The following HYDIN variants were observed in gnomAD, a reference collection of about 807,000 sequenced individuals.
HYDIN encodes the protein HYDIN axonemal central pair apparatus protein, also known as axonemal central pair apparatus protein HYDIN.
A neutral mutation model predicts 403.9 loss-of-function variants in HYDIN; 132 were observed. The ratio of observed to expected loss-of-function variants is 0.33; its 90% CI spans 0.28 to 0.38. The LOEUF is 0.38. Among genes scored for constraint, HYDIN ranks in the 10% least tolerant of loss-of-function variants. The pLI, the probability that HYDIN is intolerant of heterozygous loss-of-function variation, is 1.00. For synonymous variants in HYDIN, 1,202 were observed against 1,891.7 expected (o/e 0.64, Z 9.46); for missense variants, 2,827 against 5,009.5 (o/e 0.56, Z 13.15).
chr16:70,928,640 C>A (rs974323137), intron 45 of HYDIN, among the ~76,000 whole-genome samples: 2 of 138,960 alleles, frequency 1.4e-5, no homozygotes, highest in Non-Finnish European at 1.6e-5. Context: ...CAAATTTCCA[C>A]TAGGCTTTGT....
intron 55 of HYDIN, among the ~76,000 whole-genome samples, chr16:70,893,175 C>T (rs8056750): frequency 0.25 from 38,143 of 152,130 alleles, 6,072 homozygotes; most frequent in Non-Finnish European, 0.35. Context: ...TGCTTCCCTG[C>T]GCATTCTTTC....
intron 22 of HYDIN, among the ~76,000 whole-genome samples, chr16:71,019,577 G>A (rs1431011332): frequency 5.3e-5 from 8 of 152,344 alleles, no homozygotes; most frequent in Middle Eastern, 3.4e-3. Context: ...ACTCGGTATC[G>A]CCATGCTTGG....
At chr16:70,859,197 A>G (rs556362864) in intron 71 of HYDIN, among the ~76,000 whole-genome samples, 17 of 152,272 alleles carry the variant, frequency 1.1e-4, no homozygotes, top group Admixed American at 9.2e-4. Flanking sequence ...GCTACTCGGA[A>G]GGCTGAGTCA....
chr16:70,897,600 G>A (rs1352570348), intron 53 of HYDIN, among the ~76,000 whole-genome samples: 18 of 142,510 alleles, frequency 1.3e-4, no homozygotes, highest in Admixed American at 9.4e-4. Context: ...TCTATTTCTC[G>A]GCTTCCCCAG....
chr16:71,012,265 C>T (rs2080112526), intron 23 of HYDIN, among the ~76,000 whole-genome samples: 1 of 152,296 alleles, frequency 6.6e-6, no homozygotes, highest in African/African-American at 2.4e-5. Flanking sequence ...GCAGCGACAG[C>T]TGTGTGGTCA....
chr16:71,020,812 G>GAAA (rs537902244), intron 21 of HYDIN, among the ~76,000 whole-genome samples: 19 of 115,214 alleles, frequency 1.6e-4, no homozygotes, highest in African/African-American at 6.1e-4. Context: ...CAGTCTCAAG[G>GAAA]AAAAAAAAAA....
intron 10 of HYDIN, among the ~76,000 whole-genome samples, chr16:71,098,241 A>ACCC (rs1414256221): frequency 7.0e-6 from 1 of 143,226 alleles, no homozygotes; most frequent in Non-Finnish European, 1.5e-5. Flanking sequence ...TCGCTCTGTC[A>ACCC]CCCAGGCTGG....
intron 83 of HYDIN, among the ~76,000 whole-genome samples, chr16:70,822,296 T>C (rs1228159701): frequency 1.3e-5 from 2 of 152,174 alleles, no homozygotes; most frequent in African/African-American, 4.8e-5. Context: ...ACTGTAGATG[T>C]AGCAGAAATA....
intron 72 of HYDIN, among the ~76,000 whole-genome samples, chr16:70,855,733 C>T (rs545116712): frequency 6.0e-3 from 908 of 152,368 alleles, no homozygotes; most frequent in African/African-American, 0.021. Flanking sequence ...TTTTCTCTCA[C>T]TATCATCTTA....
At chr16:71,117,420 C>A (rs1011624647) in intron 9 of HYDIN, among the ~76,000 whole-genome samples, 1 of 151,404 alleles carries the variant, frequency 6.6e-6, no homozygotes, top group Non-Finnish European at 1.5e-5. Flanking sequence ...TAAGGTCTGA[C>A]AAAGTCATGC....
chr16:71,045,415 C>T (rs1178925211), intron 18 of HYDIN, among the ~76,000 whole-genome samples: 2 of 152,168 alleles, frequency 1.3e-5, no homozygotes, highest in Non-Finnish European at 2.9e-5. Flanking sequence ...CTTGATTTCT[C>T]TATTTGTTGA....
Position 70,807,886 on chromosome 16 carries a change from C to T in HYDIN, c.15060G>A (p.Met5020Ile). The change falls in exon 86 of 86, where the codon ATG becomes ATA. Residue 5020 changes from methionine (M) to isoleucine (I), a missense_variant. Physicochemically the swap from Met to Ile is conservative, Grantham distance 10. Coordinates refer to ENST00000393567, the MANE Select transcript of HYDIN (RefSeq NM_001270974.2). ...GGEYIIPLFG[M>I]ALPPKPQGPF... ...GACCTTGGGGCTTGGGAGGCAGAGC[C>T]ATTCCAAAGAGGGGGATGATATACT... 6.2e-7 allele frequency: 1 copy of T among 1,614,136 alleles called. No homozygotes were observed.
chr16:71,174,269 C>T (rs771573059), intron 5 of HYDIN, among the ~76,000 whole-genome samples: 9 of 152,070 alleles, frequency 5.9e-5, no homozygotes, highest in Non-Finnish European at 8.8e-5. Context: ...ACTTAACAAA[C>T]CACATTAAAT....
chr16:71,121,533 A>G (rs2084258598), intron 9 of HYDIN, among the ~76,000 whole-genome samples: 1 of 151,538 alleles, frequency 6.6e-6, no homozygotes, highest in Non-Finnish European at 1.5e-5. Context: ...AAGAGTAACT[A>G]TAATAGGTGA....
chr16:70,991,948 T>C, intron 24 of HYDIN, 122 bp downstream of exon 24: 1 of 1,515,956 alleles, frequency 6.6e-7, no homozygotes, highest in South Asian at 1.3e-5. Flanking sequence ...ATAGAAGACA[T>C]TTATTAAACT....
intron 83 of HYDIN, among the ~76,000 whole-genome samples, chr16:70,821,952 GCAC>G (rs1195113468): frequency 1.3e-5 from 2 of 152,044 alleles, no homozygotes; most frequent in Non-Finnish European, 2.9e-5. Context: ...CTTTAATAAT[GCAC>G]CTGGACACCC....
intron 7 of HYDIN, among the ~76,000 whole-genome samples, chr16:71,152,295 T>C (rs2085568178): frequency 6.6e-6 from 1 of 152,110 alleles, no homozygotes; most frequent in Admixed American, 6.5e-5. Flanking sequence ...CCATTTCCTA[T>C]TCAGCTTTAT....
intron 16 of HYDIN, among the ~76,000 whole-genome samples, chr16:71,063,696 CTT>C (rs1189387342): frequency 6.6e-6 from 1 of 152,176 alleles, no homozygotes; most frequent in Non-Finnish European, 1.5e-5. Context: ...CTATTTCTCT[CTT>C]ACGTAACAGC....
chr16:71,001,963 T>A (rs961879159), intron 23 of HYDIN, among the ~76,000 whole-genome samples: 28 of 152,262 alleles, frequency 1.8e-4, no homozygotes, highest in African/African-American at 6.8e-4. Flanking sequence ...ACTAATGAGG[T>A]GGAACATCTT....
Sources: allele counts gnomAD v4.1 joint callset (sites outside exome capture counted in the v4.1 genomes callset), GRCh38; gene constraint gnomAD v4.1.1; transcripts MANE v1.5; gene names NCBI Gene and HGNC (gene_info 2026-07-23, HGNC 2026-07-21).